SCUBE2: variants seen among roughly 807,000 people sequenced by gnomAD.
SCUBE2 encodes signal peptide, CUB domain and EGF like domain containing 2, also known as signal peptide, CUB and EGF-like domain-containing protein 2.
A neutral mutation model predicts 125.9 loss-of-function variants in SCUBE2; 114 were observed. That is an observed-to-expected ratio of 0.91 (90% CI 0.78 to 1.06). The LOEUF (loss-of-function observed/expected upper bound fraction) is 1.06. Among genes scored for constraint, SCUBE2 ranks in the 50% least tolerant of loss-of-function variants. The pLI is 0.00. For synonymous variants in SCUBE2, 459 were observed against 492.9 expected, an observed-to-expected ratio of 0.93 and a Z score of 0.91; for missense variants, 1,255 against 1,301.8, an observed-to-expected ratio of 0.96 and a Z score of 0.55.
chr11:9,023,551 T>C (rs1041376607), intron 21 of SCUBE2, among the ~76,000 whole-genome samples: 8 of 152,268 alleles, frequency 5.3e-5, no homozygotes, highest in Non-Finnish European at 7.4e-5. Flanking sequence ...GCTTCCCGAC[T>C]GCTATCGTTT....
chr11:9,043,458 T>C (rs1857418831), intron 16 of SCUBE2, among the ~76,000 whole-genome samples: 1 of 145,134 alleles, frequency 6.9e-6, no homozygotes, highest in East Asian at 2.1e-4. Flanking sequence ...TTGGACCCTA[T>C]AATCATTTTT....
At chr11:9,052,955 T>A (rs1273020959) in intron 12 of SCUBE2, 123 bp from the exon 13 acceptor site, 1 of 1,016,702 alleles carries the variant, frequency 9.8e-7, no homozygotes, top group Non-Finnish European at 1.5e-6. Flanking sequence ...GCATATGGGG[T>A]CTCGAAGCAT....
intron 5 of SCUBE2, 108 bp downstream of exon 5, chr11:9,069,262 C>G: frequency 1.4e-6 from 2 of 1,460,762 alleles, no homozygotes; most frequent in Admixed American, 3.6e-5. Context: ...AACTGCCTTC[C>G]CTGCTGCTGC....
chr11:9,019,483 T>A lies in SCUBE2; in HGVS notation c.*1562A>T, dbSNP rs537128296. Among the ~76,000 whole-genome samples, 14 of 151,726 alleles carry A rather than the reference T, an allele frequency of 9.2e-5. No homozygotes were observed. Among genetic ancestry groups the A allele is most frequent in the African/African-American group, 2.4e-4 (10 of 41,494 alleles). ...CAGAAATATAGGCCAAGCTCCAGTA[T>A]AACAAAGTCCAAGTGCTTGTTTTAA... On this transcript the variant is annotated 3_prime_UTR_variant, in exon 23 of 23. Coordinates refer to ENST00000649792, the MANE Select transcript of SCUBE2 (RefSeq NM_001367977.2).
rs1252595236 is a variant in SCUBE2, at chr11:9,069,378, T to A, written c.635A>T (p.Asp212Val). The stretch of plus-strand genomic sequence containing the variant: ...CACTGGCCCATACTTACAGATGCAG[T>A]CTCTCTGGTTCTTGGCCAGCTCAAA... ...PGFELAKNQRDCILTCNHGNG... is the reference protein window; with the variant it reads ...PGFELAKNQRVCILTCNHGNG... The change falls in exon 5 of 23, where the codon GAC becomes GTC. Residue 212 changes from aspartate to valine, a missense_variant. Transcript: ENST00000649792. 1 of 1,614,220 alleles carries A rather than the reference T, an allele frequency of 6.2e-7. No homozygotes were observed. The highest frequency in any genetic ancestry group is 1.1e-5 in the South Asian group (1 of 91,088).
At chr11:9,040,521 ATT>A (rs1423585069) in intron 16 of SCUBE2, among the ~76,000 whole-genome samples, 154 of 115,212 alleles carry the variant, frequency 1.3e-3, no homozygotes, top group Middle Eastern at 4.4e-3. Flanking sequence ...GAAAGGGAGG[ATT>A]CATATCCCAG....
At chr11:9,034,928 C>T (rs185966328) in intron 16 of SCUBE2, among the ~76,000 whole-genome samples, 49 of 152,126 alleles carry the variant, frequency 3.2e-4, no homozygotes, top group Non-Finnish European at 6.5e-4. Context: ...TCTGCAAACG[C>T]GGAGGTTGCA....
intron 21 of SCUBE2, among the ~76,000 whole-genome samples, chr11:9,025,168 T>C (rs1044108401): frequency 6.6e-6 from 1 of 152,238 alleles, no homozygotes; most frequent in Non-Finnish European, 1.5e-5. Flanking sequence ...AGAAGTCATC[T>C]GACTTGCCCA....
Position 9,030,891 on chromosome 11 carries a change from G to T in SCUBE2, c.2208C>A (p.Gly736=), listed in dbSNP as rs905416803. 1 of 1,613,982 alleles carries T rather than the reference G, an allele frequency of 6.2e-7. No individual in the cohort carries two copies. The highest frequency in any genetic ancestry group is 8.5e-7 in the Non-Finnish European group (1 of 1,180,018). ...GGGCACAGAGCTGGCAAGGTGCAAA[G>T]CCATCTGCAGAATATTCACCAGGTT... The part of the protein sequence containing the change: ...LCQPGEYSAD[G]FAPCQLCALG... Residue 736 remains glycine (G), a synonymous_variant, in exon 18 of 23, where the codon GGC becomes GGA. Coordinates refer to ENST00000649792, the MANE Select transcript of SCUBE2 (RefSeq NM_001367977.2).
chr11:9,034,853 G>T (rs1303080325), intron 16 of SCUBE2, among the ~76,000 whole-genome samples: 1 of 151,992 alleles, frequency 6.6e-6, no homozygotes, highest in Non-Finnish European at 1.5e-5. Flanking sequence ...AAAATTAGCT[G>T]GGTGTGGTGG....
At chr11:9,067,332 G>T (rs1860348737) in intron 5 of SCUBE2, among the ~76,000 whole-genome samples, 1 of 152,124 alleles carries the variant, frequency 6.6e-6, no homozygotes, top group South Asian at 2.1e-4. Context: ...ACAGTAACTG[G>T]TAATTATCAA....
At chr11:9,032,562 C>T (rs1856405363) in intron 17 of SCUBE2, among the ~76,000 whole-genome samples, 1 of 152,128 alleles carries the variant, frequency 6.6e-6, no homozygotes, top group Non-Finnish European at 1.5e-5. Context: ...AGCGAAACCC[C>T]ATCTCTGCTA....
At chr11:9,073,530 C>T (rs761014668) in intron 4 of SCUBE2, among the ~76,000 whole-genome samples, 3 of 152,054 alleles carry the variant, frequency 2.0e-5, no homozygotes, top group African/African-American at 4.8e-5. Flanking sequence ...GAAAAGTTAC[C>T]AAGACCAGGA....
intron 1 of SCUBE2, among the ~76,000 whole-genome samples, chr11:9,090,573 G>A (rs981447025): frequency 1.3e-5 from 2 of 151,210 alleles, no homozygotes; most frequent in Non-Finnish European, 2.9e-5. Context: ...TGTGGCCCAG[G>A]TAAGCCAAAA....
intron 14 of SCUBE2, among the ~76,000 whole-genome samples, chr11:9,048,326 T>C (rs945229956): frequency 2.6e-5 from 4 of 152,248 alleles, no homozygotes; most frequent in Non-Finnish European, 5.9e-5. Context: ...TTGAAAATTC[T>C]TTTCATGAAT....
Position 9,066,786 on chromosome 11 carries a change from C to T in SCUBE2, c.671G>A (p.Cys224Tyr). ...GGCTGTATCGTCACAGGAGTGCTGG[C>T]ACCCACCGTTCCCATGGTTACAGGT... is the stretch of plus-strand genomic sequence containing the variant. ...ILTCNHGNGGCQHSCDDTADG... is the reference protein window; with the variant it reads ...ILTCNHGNGGYQHSCDDTADG... Residue 224 changes from cysteine (C) to tyrosine (Y), a missense_variant, in exon 6 of 23, where the codon TGC (cysteine) becomes TAC (tyrosine). Physicochemically the swap from Cys to Tyr is radical, Grantham distance 194. Around this residue, in one of 3 missense-constraint regions of SCUBE2, gnomAD observed 362 missense variants for 323.0 expected, o/e 1.12. Coordinates refer to ENST00000649792, the MANE Select transcript of SCUBE2 (RefSeq NM_001367977.2). 6.2e-7 allele frequency: 1 copy of T among 1,614,120 alleles called. No individual in the cohort carries two copies. The highest frequency in any genetic ancestry group is 8.5e-7 in the Non-Finnish European group (1 of 1,179,992).
At chr11:9,070,149 CAGAGAGAGAGAGAAG>C (rs1016242563) in intron 4 of SCUBE2, among the ~76,000 whole-genome samples, 1 of 139,828 alleles carries the variant, frequency 7.2e-6, no homozygotes, top group African/African-American at 3.3e-5. Context: ...AGAGAAGAGA[CAGAGAGAGAGAGAAG>C]AGAGAGAGAG....
At chr11:9,080,656 A>C (rs1861558571) in intron 2 of SCUBE2, among the ~76,000 whole-genome samples, 1 of 152,112 alleles carries the variant, frequency 6.6e-6, no homozygotes, top group African/African-American at 2.4e-5. Context: ...CTCAAAAAAA[A>C]AAAAAGGAGA....
chr11:9,079,307 A>C, intron 3 of SCUBE2, 77 bp downstream of exon 3: 1 of 1,569,224 alleles, frequency 6.4e-7, no homozygotes, highest in East Asian at 2.3e-5. Flanking sequence ...TTTTGTCTTC[A>C]TGAGGAGGTC....
Sources: allele counts gnomAD v4.1 joint callset (sites outside exome capture counted in the v4.1 genomes callset), GRCh38; gene constraint gnomAD v4.1.1; regional missense constraint gnomAD v4.1.1; transcripts MANE v1.5; gene names NCBI Gene and HGNC (gene_info 2026-07-23, HGNC 2026-07-21).